NRXN1: variants seen among roughly 807,000 people sequenced by gnomAD.
The protein encoded by NRXN1 is neurexin-1.
NRXN1 carries 39 observed loss-of-function variants against 150.9 expected under a neutral mutation model. The ratio of observed to expected loss-of-function variants is 0.26; its 90% CI spans 0.20 to 0.34. NRXN1 has a LOEUF of 0.34. Among genes scored for constraint, NRXN1 ranks in the 10% least tolerant of loss-of-function variants. The pLI is 1.00. For missense variants in NRXN1, 1,815 were observed against 1,949.9 expected (o/e 0.93, Z 1.30); for synonymous variants, 924 against 757.0 (o/e 1.22, Z -3.62).
At chr2:50,646,364 G>C (rs1684814646) in intron 5 of NRXN1, among the ~76,000 whole-genome samples, 1 of 152,016 alleles carries the variant, frequency 6.6e-6, no homozygotes, top group Non-Finnish European at 1.5e-5. Flanking sequence ...TCAGTAACAA[G>C]TGGAAGCAGG....
chr2:50,971,314 G>A (rs1220830144), intron 2 of NRXN1, among the ~76,000 whole-genome samples: 1 of 152,114 alleles, frequency 6.6e-6, no homozygotes, highest in East Asian at 1.9e-4. Flanking sequence ...GCCGGGCGTG[G>A]TGGCTCACAC....
chr2:50,749,562 C>G (rs1210574350), intron 5 of NRXN1, among the ~76,000 whole-genome samples: 1 of 151,964 alleles, frequency 6.6e-6, no homozygotes, highest in Non-Finnish European at 1.5e-5. Context: ...TCTATTAAAG[C>G]ATTATTGCAT....
intron 5 of NRXN1, among the ~76,000 whole-genome samples, chr2:50,744,463 T>G (rs1699785945): frequency 6.6e-6 from 1 of 152,142 alleles, no homozygotes; most frequent in Non-Finnish European, 1.5e-5. Flanking sequence ...CAGTTACTAC[T>G]TATCGAGAAT....
intron 5 of NRXN1, among the ~76,000 whole-genome samples, chr2:50,792,195 G>C (rs1426262702): frequency 2.0e-5 from 3 of 152,010 alleles, no homozygotes; most frequent in African/African-American, 7.2e-5. Flanking sequence ...TTATGTACGA[G>C]AAAACTACAG....
chr2:49,964,484 G>A, intron 21 of NRXN1, among the ~76,000 whole-genome samples: 1 of 151,908 alleles, frequency 6.6e-6, no homozygotes, highest in Non-Finnish European at 1.5e-5. Context: ...GGAGGCTGAG[G>A]CGGGAAAATT....
At chr2:50,618,437 A>G (rs1229568401) in intron 8 of NRXN1, among the ~76,000 whole-genome samples, 2 of 152,052 alleles carry the variant, frequency 1.3e-5, no homozygotes, top group African/African-American at 2.4e-5. Flanking sequence ...CTCACAGTCT[A>G]TTATTCATTT....
intron 5 of NRXN1, among the ~76,000 whole-genome samples, chr2:50,819,913 T>C (rs1229917253): frequency 1.3e-5 from 2 of 152,092 alleles, no homozygotes; most frequent in Non-Finnish European, 2.9e-5. Context: ...GTGTTTGCCA[T>C]TTGCATTGTA....
intron 18 of NRXN1, among the ~76,000 whole-genome samples, chr2:50,220,708 C>T (rs1399282249): frequency 6.6e-6 from 1 of 151,940 alleles, no homozygotes; most frequent in Non-Finnish European, 1.5e-5. Flanking sequence ...ATTAGCTAGA[C>T]CGTCATCTTA....
intron 5 of NRXN1, among the ~76,000 whole-genome samples, chr2:50,705,021 T>C (rs1694238513): frequency 1.3e-5 from 2 of 148,168 alleles, no homozygotes; most frequent in South Asian, 2.2e-4. Context: ...AATAAAACAT[T>C]TGTTTACAAT....
intron 5 of NRXN1, chr2:50,841,209 T>A (rs1209608505): frequency 2.0e-5 from 3 of 152,592 alleles, no homozygotes; most frequent in African/African-American, 7.2e-5. Context: ...AATGTACAAC[T>A]TAAGCAGTAT....
chr2:50,795,845 T>G (rs926873647), intron 5 of NRXN1, among the ~76,000 whole-genome samples: 4 of 152,100 alleles, frequency 2.6e-5, no homozygotes, highest in Admixed American at 2.0e-4. Flanking sequence ...ATGCATTTTT[T>G]TTTTCCTTTT....
intron 17 of NRXN1, among the ~76,000 whole-genome samples, chr2:50,444,086 G>A (rs1392839058): frequency 6.6e-6 from 1 of 152,068 alleles, no homozygotes; most frequent in African/African-American, 2.4e-5. Flanking sequence ...CTGCTTTTGT[G>A]ACTTTAAGTG....
chr2:50,167,431 G>C lies in NRXN1; in HGVS notation c.3546+69358C>G, dbSNP rs143067551. Among the ~76,000 whole-genome samples the C allele has an allele frequency of 2.8e-3, 431 of 151,924 alleles. 1 individual carries two copies. The highest frequency in any genetic ancestry group is 9.8e-3 in the African/African-American group (408 of 41,444). On this transcript the variant is annotated intron_variant, in intron 18 of 22. Coordinates refer to ENST00000401669, the MANE Select transcript of NRXN1 (RefSeq NM_001330078.2). ...CCCGCCTGTTAATTTTAAAACACAT[G>C]TTTAGATACTAGAATATTTTAAGAA...
chr2:50,362,008 A>T (rs1474586860), intron 17 of NRXN1, among the ~76,000 whole-genome samples: 1 of 152,220 alleles, frequency 6.6e-6, no homozygotes, highest in Non-Finnish European at 1.5e-5. Flanking sequence ...ACACATGATT[A>T]TCTCAATAGA....
At chr2:50,779,130 C>T (rs559632359) in intron 5 of NRXN1, among the ~76,000 whole-genome samples, 1 of 152,216 alleles carries the variant, frequency 6.6e-6, no homozygotes, top group South Asian at 2.1e-4. Flanking sequence ...ACCCATTACC[C>T]TGTCATCTAT....
At chr2:50,592,980 G>T (rs1192614928) in intron 8 of NRXN1, among the ~76,000 whole-genome samples, 1 of 152,142 alleles carries the variant, frequency 6.6e-6, no homozygotes, top group East Asian at 1.9e-4. Context: ...TAATCAAGGT[G>T]GTGATCAATA....
At chr2:50,674,733 G>A (rs1003255834) in intron 5 of NRXN1, among the ~76,000 whole-genome samples, 2 of 152,014 alleles carry the variant, frequency 1.3e-5, no homozygotes, top group Non-Finnish European at 2.9e-5. Context: ...TTTTTAGCTT[G>A]GGTGAATAAT....
chr2:50,742,262 CATAT>C (rs139151456), intron 5 of NRXN1, among the ~76,000 whole-genome samples: 5 of 148,780 alleles, frequency 3.4e-5, no homozygotes, highest in Non-Finnish European at 7.5e-5. Flanking sequence ...GCAATATTTA[CATAT>C]ATATATATAT....
intron 2 of NRXN1, among the ~76,000 whole-genome samples, chr2:50,975,500 A>G (rs1695676140): frequency 6.6e-6 from 1 of 152,094 alleles, no homozygotes; most frequent in Non-Finnish European, 1.5e-5. Flanking sequence ...TGATTCTACT[A>G]TTTCCTACTA....
Sources: gnomAD v4.1 joint callset for allele counts (sites outside exome capture counted in the v4.1 genomes callset) on GRCh38, gnomAD v4.1.1 for gene constraint, MANE v1.5 for transcripts, NCBI Gene and HGNC (gene_info 2026-07-23, HGNC 2026-07-21) for gene names.